Variants in DLGAP1 observed in about 807,000 individuals in gnomAD.
DLGAP1 encodes the protein disks large-associated protein 1.
Under a neutral mutation model 90.8 loss-of-function variants are expected in DLGAP1, and 11 were observed. That is an observed-to-expected ratio of 0.12 (90% confidence interval 0.08 to 0.20). The LOEUF (loss-of-function observed/expected upper bound fraction) is 0.20, where lower values mean the gene tolerates loss of function less well. Among genes scored for constraint, DLGAP1 ranks in the 10% least tolerant of loss-of-function variants. DLGAP1 has a pLI of 1.00. For synonymous variants in DLGAP1, 558 were observed against 540.7 expected (o/e 1.03, Z -0.44); for missense variants, 1,050 against 1,333.8 (o/e 0.79, Z 3.31).
chr18:3,731,165 T>C (rs949613178), intron 6 of DLGAP1, among the ~76,000 whole-genome samples: 11 of 152,106 alleles, frequency 7.2e-5, no homozygotes, highest in Non-Finnish European at 1.5e-4. Context: ...TGCAAATGTA[T>C]GGGTGTATAT....
At chr18:3,572,743 C>T (rs2054887506) in intron 8 of DLGAP1, among the ~76,000 whole-genome samples, 1 of 152,292 alleles carries the variant, frequency 6.6e-6, no homozygotes, top group South Asian at 2.1e-4. Context: ...AGCCACTACA[C>T]CCGGCCTTTA....
intron 1 of DLGAP1, among the ~76,000 whole-genome samples, chr18:4,357,895 A>G (rs2081556028): frequency 6.6e-6 from 1 of 152,182 alleles, no homozygotes; most frequent in Non-Finnish European, 1.5e-5. Context: ...TGTGCTCCTC[A>G]CTGCTTCTCA....
chr18:4,306,033 TACACAC>T lies in DLGAP1; in HGVS notation c.-267+148967_-267+148972del, dbSNP rs3041181. Among the ~76,000 whole-genome samples the T allele has an allele frequency of 1.8e-4, 26 of 142,204 alleles. No homozygotes were observed. The South Asian group carries it at 2.7e-3, about 15-fold the overall frequency. The allele number at this position is 142,204 out of a possible 152,430, so 93.3% of individuals were successfully genotyped here. On this transcript the variant is annotated intron_variant, in intron 1 of 12. Coordinates refer to ENST00000315677, the MANE Select transcript of DLGAP1 (RefSeq NM_004746.4). ...ACACACACACACAGACACACACAAA[TACACAC>T]ACACACACACACACACACACACACA...
chr18:4,444,755 A>T (rs991178976), intron 1 of DLGAP1, among the ~76,000 whole-genome samples: 4 of 152,206 alleles, frequency 2.6e-5, no homozygotes, highest in Non-Finnish European at 5.9e-5. Flanking sequence ...CAGAAAAAAA[A>T]TATACAGTAT....
At chr18:3,675,116 G>A (rs1040097192) in intron 7 of DLGAP1, among the ~76,000 whole-genome samples, 1 of 152,190 alleles carries the variant, frequency 6.6e-6, no homozygotes, top group Admixed American at 6.5e-5. Context: ...TTGTCACCCA[G>A]GGTGGAGTGC....
In DLGAP1 at chr18:4,454,982, C is replaced by A. The variant is rs919530777; in HGVS notation, c.-267+24G>T. On this transcript the variant is annotated intron_variant, in intron 1 of 12. Coordinates refer to ENST00000315677, the MANE Select transcript of DLGAP1 (RefSeq NM_004746.4). The surrounding 1 kb of genome is among the most constrained non-coding windows in gnomAD (Gnocchi z 4.7). ...ACCGCCGCCGCCGCGCACGCCCCAG[C>A]CCCGCGGCGCAGCCCGGCGTTACCT... 6.6e-6 allele frequency: 1 copy of A among 150,888 alleles called. No individual in the cohort carries two copies. The highest frequency in any genetic ancestry group is 1.5e-5 in the Non-Finnish European group (1 of 67,640). The allele number at this position is 150,888 out of a possible 1,614,324, so 9.3% of individuals were successfully genotyped here. A position where few individuals can be genotyped will look rare whatever the true frequency, so the allele number is the denominator to read the frequency against.
intron 2 of DLGAP1, among the ~76,000 whole-genome samples, chr18:4,127,651 A>G (rs1315244293): frequency 6.6e-6 from 1 of 152,212 alleles, no homozygotes; most frequent in African/African-American, 2.4e-5. Flanking sequence ...CATAATTGTA[A>G]GAATCATACA....
chr18:3,918,675 T>C (rs868645210), intron 3 of DLGAP1, among the ~76,000 whole-genome samples: 4 of 152,134 alleles, frequency 2.6e-5, no homozygotes, highest in Admixed American at 6.5e-5. Flanking sequence ...GGGACTGGCA[T>C]TCTGAGCAAA....
intron 1 of DLGAP1, among the ~76,000 whole-genome samples, chr18:4,183,058 A>G (rs2077234452): frequency 1.3e-5 from 2 of 152,198 alleles, no homozygotes; most frequent in South Asian, 4.1e-4. Flanking sequence ...TTACAGAAAC[A>G]TGAGCTACCA....
At chr18:3,574,290 G>T (rs1051575560) in intron 8 of DLGAP1, among the ~76,000 whole-genome samples, 6 of 151,860 alleles carry the variant, frequency 4.0e-5, no homozygotes, top group East Asian at 1.9e-4. Flanking sequence ...TTCTAGCTTT[G>T]TAAATTGAGT....
chr18:4,444,149 G>A (rs1567928424), intron 1 of DLGAP1, among the ~76,000 whole-genome samples: 1 of 152,204 alleles, frequency 6.6e-6, no homozygotes, highest in African/African-American at 2.4e-5. Flanking sequence ...AGCTAACTTA[G>A]AGCCCACTGT....
At chr18:4,347,881 G>T (rs2081328486) in intron 1 of DLGAP1, among the ~76,000 whole-genome samples, 1 of 149,762 alleles carries the variant, frequency 6.7e-6, no homozygotes. Context: ...CCTACTTATA[G>T]ATGATATGAT....
intron 1 of DLGAP1, among the ~76,000 whole-genome samples, chr18:4,248,166 A>G (rs1223739376): frequency 6.6e-6 from 1 of 152,114 alleles, no homozygotes; most frequent in African/African-American, 2.4e-5. Flanking sequence ...CCAAAAGCCT[A>G]TCTTGGGGTT....
chr18:3,581,821 T>TA (rs2055539431), intron 8 of DLGAP1, 54 bp downstream of exon 8: 1 of 1,589,854 alleles, frequency 6.3e-7, no homozygotes, highest in Non-Finnish European at 8.6e-7. Context: ...CAAAAAGTGT[T>TA]ACATTCCTTA....
chr18:4,249,355 C>T (rs1223403068), intron 1 of DLGAP1, among the ~76,000 whole-genome samples: 2 of 146,714 alleles, frequency 1.4e-5, no homozygotes, highest in East Asian at 2.0e-4. Context: ...AATAAAGAGA[C>T]TAGATGTGAA....
At chr18:4,264,838 G>C (rs922127786) in intron 1 of DLGAP1, 2 of 152,220 alleles carry the variant, frequency 1.3e-5, no homozygotes, top group Non-Finnish European at 2.9e-5. Flanking sequence ...AAAGGGAGCA[G>C]ATGGCAAGGC....
At chr18:3,738,027 G>C (rs1407213735) in intron 6 of DLGAP1, among the ~76,000 whole-genome samples, 1 of 151,284 alleles carries the variant, frequency 6.6e-6, no homozygotes, top group South Asian at 2.1e-4. Context: ...ATTCACAATT[G>C]CTTCAAAGAG....
chr18:4,346,984 G>T (rs1378085651), intron 1 of DLGAP1, among the ~76,000 whole-genome samples: 1 of 151,074 alleles, frequency 6.6e-6, no homozygotes, highest in Non-Finnish European at 1.5e-5. Flanking sequence ...AAAGGCAGAA[G>T]GTAAAACTAT....
At chr18:4,156,743 T>G (rs1435798987) in intron 1 of DLGAP1, among the ~76,000 whole-genome samples, 3 of 152,210 alleles carry the variant, frequency 2.0e-5, no homozygotes, top group Non-Finnish European at 4.4e-5. Flanking sequence ...TTATCTCAGA[T>G]CTCCCTGGAT....
Sources: gnomAD v4.1 joint callset for allele counts (sites outside exome capture counted in the v4.1 genomes callset) on GRCh38, gnomAD v4.1.1 for gene constraint, Gnocchi (gnomAD v3.1) non-coding constraint, MANE v1.5 for transcripts, NCBI Gene and HGNC (gene_info 2026-07-23, HGNC 2026-07-21) for gene names.